The following GAD1 variants were observed in gnomAD, a reference collection of about 807,000 sequenced individuals.
GAD1 encodes the protein 67 kDa glutamic acid decarboxylase.
GAD1 carries 35 observed loss-of-function variants against 75.2 expected under a neutral mutation model. The observed-to-expected ratio is 0.47, with a 90% CI of 0.36 to 0.62. The LOEUF is 0.62. Among genes scored for constraint, GAD1 ranks in the 20% least tolerant of loss-of-function variants. GAD1 has a pLI of 0.00. For synonymous variants in GAD1, 257 were observed against 271.9 expected (o/e 0.95, Z 0.54); for missense variants, 490 against 758.5 (o/e 0.65, Z 4.16).
chr2:170,831,616 GTGTGTGTGTGTGTGTGTGTA>G (rs1473858674), intron 5 of GAD1, among the ~76,000 whole-genome samples: 1 of 144,426 alleles, frequency 6.9e-6, no homozygotes, highest in African/African-American at 2.5e-5. Flanking sequence ...GTGTGTGTGT[GTGTGTGTGTGTGTGTGTGTA>G]TATACCTATT....
At chr2:170,832,656 GCGCGCGCGCACA>G (rs1370162760) in intron 5 of GAD1, among the ~76,000 whole-genome samples, 6,497 of 39,118 alleles carry the variant, frequency 0.17, 464 homozygotes, top group African/African-American at 0.22. Context: ...ACACATGCGC[GCGCGCGCGCACA>G]CACACACACA....
chr2:170,841,504 A>C (rs534296654), intron 6 of GAD1, among the ~76,000 whole-genome samples: 1 of 152,226 alleles, frequency 6.6e-6, no homozygotes, highest in Non-Finnish European at 1.5e-5. Context: ...ATTGAAGACC[A>C]TCCTGGGCAA....
Position 170,852,729 on chromosome 2 carries a change from C to T in GAD1, c.1200C>T (p.Thr400=), listed in dbSNP as rs200506981. 169 of 1,614,180 alleles carry T rather than the reference C, an allele frequency of 1.0e-4. No homozygotes were observed. In the East Asian group the frequency reaches 3.7e-3, roughly 35 times the overall value. ...LNGIERANSV[T]WNPHKMMGVL... Reference sequence around the variant, plus strand: ...CTTCTTTCAGGGCCAACTCAGTCACCTGGAACCCTCACAAGATGATGGGCG... The same window carrying T: ...CTTCTTTCAGGGCCAACTCAGTCACTTGGAACCCTCACAAGATGATGGGCG... Residue 400 remains threonine, a synonymous_variant, in exon 13 of 17, where the codon ACC becomes ACT. Coordinates refer to ENST00000358196, the MANE Select transcript of GAD1 (RefSeq NM_000817.3).
chr2:170,853,926 C>T lies in GAD1; in HGVS notation c.1317C>T (p.Asp439=). ...QMCAGYLFQP[D]KQYDVSYDTG... ...GTGCAGGATACCTCTTCCAGCCAGA[C>T]AAGCAGTATGATGTCTCCTACGACA... Residue 439 remains aspartate, a synonymous_variant, in exon 14 of 17, where the codon GAC becomes GAT. Transcript: ENST00000358196. The surrounding 1 kb of genome is among the most constrained non-coding windows in gnomAD (Gnocchi z 4.1). 6.2e-7 allele frequency: 1 copy of T among 1,614,144 alleles called. No individual in the cohort carries two copies. Among genetic ancestry groups the T allele is most frequent in the Non-Finnish European group, 8.5e-7 (1 of 1,180,032 alleles).
At chr2:170,827,484 G>A (rs1180373435) in intron 3 of GAD1, among the ~76,000 whole-genome samples, 3 of 152,266 alleles carry the variant, frequency 2.0e-5, no homozygotes, top group Non-Finnish European at 2.9e-5. Context: ...ACAGGGGATG[G>A]TGGAGATGTG....
intron 5 of GAD1, 151 bp downstream of exon 5, chr2:170,831,343 T>A: frequency 1.1e-6 from 1 of 900,530 alleles, no homozygotes; most frequent in Non-Finnish European, 1.8e-6. Context: ...AGAACAAGCT[T>A]GGGCAGTAAC....
At position 170,820,151 on chromosome 2, in the gene GAD1, G is replaced by A. The variant is rs1012457112; in HGVS notation, c.82+1478G>A. 5.9e-5 allele frequency among the ~76,000 whole-genome samples: 9 copies of A among 151,880 alleles called. No individual in the cohort carries two copies. In the East Asian group the frequency reaches 1.5e-3, roughly 26 times the overall value. ...TTTTCTGACGCTTTCCACATTTCCCGCTCCCTTTTGCCGCCTGGGGGTGGG... is the reference window on the plus strand; with the variant it reads ...TTTTCTGACGCTTTCCACATTTCCCACTCCCTTTTGCCGCCTGGGGGTGGG... On this transcript the variant is annotated intron_variant, in intron 2 of 16. Coordinates refer to ENST00000358196, the MANE Select transcript of GAD1 (RefSeq NM_000817.3).
chr2:170,829,983 C>T (rs201442310), intron 4 of GAD1: 1 of 320,184 alleles, frequency 3.1e-6, no homozygotes, highest in Non-Finnish European at 6.0e-6. Context: ...TGGCCACACA[C>T]ATACACACAA....
intron 14 of GAD1, among the ~76,000 whole-genome samples, chr2:170,856,010 C>T (rs1702844109): frequency 6.6e-6 from 1 of 152,062 alleles, no homozygotes; most frequent in Non-Finnish European, 1.5e-5. Context: ...CCTCTTGAAC[C>T]ATCTGCTGCA....
chr2:170,840,609 AAGGGAGGG>A (rs1213730654), intron 6 of GAD1, among the ~76,000 whole-genome samples: 13 of 130,658 alleles, frequency 9.9e-5, no homozygotes, highest in African/African-American at 2.2e-4. Flanking sequence ...CTCAGAAAGG[AAGGGAGGG>A]AGGGAGGAAG....
Position 170,818,824 on chromosome 2 carries a change from A to T in GAD1, c.82+151A>T. The T allele has an allele frequency of 2.9e-6, 2 of 698,360 alleles. No homozygotes were observed. Among genetic ancestry groups the T allele is most frequent in the Non-Finnish European group, 4.9e-6 (2 of 404,226 alleles). The allele number at this position is 698,360 out of a possible 1,614,324, so 43.3% of individuals were successfully genotyped here. A position where few individuals can be genotyped will look rare whatever the true frequency, so the allele number is the denominator to read the frequency against. ...GGGGCTCTGACCCCGTCCCTGCCAG[A>T]GGTCATTCGGCTGTCAGGGACGCTA... On this transcript the variant is annotated intron_variant, in intron 2 of 16. Transcript: ENST00000358196. This position sits in a 1 kb window ranked among gnomAD's most constrained non-coding sequence, Gnocchi z 5.9.
chr2:170,831,881 G>C (rs1303257099), intron 5 of GAD1, among the ~76,000 whole-genome samples: 1 of 150,166 alleles, frequency 6.7e-6, no homozygotes, highest in African/African-American at 2.5e-5. Flanking sequence ...CTACTCAGGA[G>C]GCTGAGGCCA....
intron 7 of GAD1, 118 bp from the exon 8 acceptor site, chr2:170,845,388 G>T (rs1360297278): frequency 8.0e-6 from 7 of 871,944 alleles, no homozygotes; most frequent in African/African-American, 6.6e-5. Context: ...AACCTATCAG[G>T]ATATTATCCT....
At chr2:170,835,098 T>A (rs955095828) in intron 5 of GAD1, among the ~76,000 whole-genome samples, 13 of 152,120 alleles carry the variant, frequency 8.5e-5, no homozygotes, top group Non-Finnish European at 1.5e-4. Flanking sequence ...GAACTTTTTT[T>A]AAAAAAGTCC....
chr2:170,838,870 A>C (rs1702433087), intron 6 of GAD1, among the ~76,000 whole-genome samples: 1 of 152,230 alleles, frequency 6.6e-6, no homozygotes. Flanking sequence ...TGAATGGGAG[A>C]TATTTATAAA....
chr2:170,846,800 ATT>A (rs1702641773), intron 10 of GAD1, among the ~76,000 whole-genome samples: 1 of 152,140 alleles, frequency 6.6e-6, no homozygotes, highest in Admixed American at 6.5e-5. Flanking sequence ...GAGCCCAGGA[ATT>A]CAAGACCAGC....
In GAD1 at chr2:170,829,423, CAG is replaced by C. The variant is rs56952929; in HGVS notation, c.146-51_146-50del. ...GTTGATTCACTCTGCAGCTGACCCT[CAG>C]GGGCTGGGCAGTTTGCAGCACTCTC... On this transcript the variant is annotated intron_variant, in intron 3 of 16. Transcript: ENST00000358196. 30 of 1,603,710 alleles carry C rather than the reference CAG, an allele frequency of 1.9e-5. No individual in the cohort carries two copies. In the East Asian group the frequency reaches 5.1e-4, roughly 27 times the overall value.
intron 10 of GAD1, among the ~76,000 whole-genome samples, chr2:170,846,813 C>G (rs1298369250): frequency 6.6e-6 from 1 of 152,114 alleles, no homozygotes; most frequent in East Asian, 1.9e-4. Flanking sequence ...CAAGACCAGC[C>G]TGGGCAACAT....
chr2:170,829,396 G>C, intron 3 of GAD1, 79 bp from the exon 4 acceptor site: 1 of 1,472,406 alleles, frequency 6.8e-7, no homozygotes, highest in Non-Finnish European at 9.5e-7. Flanking sequence ...CCTGCTTGGA[G>C]AGTTGATTCA....
Sources: allele counts gnomAD v4.1 joint callset (sites outside exome capture counted in the v4.1 genomes callset), GRCh38; gene constraint gnomAD v4.1.1; non-coding constraint Gnocchi (gnomAD v3.1); transcripts MANE v1.5; gene names NCBI Gene and HGNC (gene_info 2026-07-23, HGNC 2026-07-21).